PLCD4: variants seen among roughly 807,000 people sequenced by gnomAD.
PLCD4 encodes 1-phosphatidylinositol 4,5-bisphosphate phosphodiesterase delta-4.
PLCD4 carries 63 observed loss-of-function variants against 90.2 expected under a neutral mutation model. The ratio of observed to expected loss-of-function variants is 0.70; its 90% confidence interval spans 0.57 to 0.86. The LOEUF (loss-of-function observed/expected upper bound fraction) is 0.86. Ranked by LOEUF, PLCD4 falls within the 40% of genes least tolerant of loss-of-function variation. The pLI is 0.00. For synonymous variants in PLCD4, 294 were observed against 356.5 expected (o/e 0.82, Z 1.97); for missense variants, 830 against 956.3 (o/e 0.87, Z 1.74).
Position 218,616,011 on chromosome 2 carries a change from G to C in PLCD4, c.130G>C (p.Gly44Arg). The C allele has an allele frequency of 6.2e-7, 1 of 1,613,978 alleles. No homozygotes were observed. The highest frequency in any genetic ancestry group is 8.5e-7 in the Non-Finnish European group (1 of 1,179,884). ...KLRYFRLQNDGMTVWHARQAR... is the reference protein window; with the variant it reads ...KLRYFRLQNDRMTVWHARQAR... ...AAGATACTTCAGACTTCAGAATGAC[G>C]GCATGACAGTCTGGCATGCACGGCA... is the stretch of plus-strand genomic sequence containing the variant. The change falls in exon 3 of 16, where the codon GGC becomes CGC. Residue 44 changes from glycine (G) to arginine (R), a missense_variant. Physicochemically the swap from Gly to Arg is moderately radical, Grantham distance 125. Transcript: ENST00000450993.
At chr2:218,615,784 G>A in intron 2 of PLCD4, 23 bp downstream of exon 2, 1 of 1,604,234 alleles carries the variant, frequency 6.2e-7, no homozygotes, top group South Asian at 1.1e-5. Context: ...GCCCCTGCAG[G>A]GGAAGAGGCC....
chr2:218,615,827 G>A, intron 2 of PLCD4, 66 bp downstream of exon 2: 1 of 1,602,632 alleles, frequency 6.2e-7, no homozygotes, highest in Non-Finnish European at 8.5e-7. Flanking sequence ...GAAGGAGGTT[G>A]GACCCCTGTT....
chr2:218,616,968 A>AT (rs1695639028), intron 3 of PLCD4, among the ~76,000 whole-genome samples: 3 of 109,672 alleles, frequency 2.7e-5, no homozygotes, highest in African/African-American at 9.6e-5. Context: ...AGAGAGAGAG[A>AT]GAGAGAGAGA....
chr2:218,608,626 C>A (rs567989252), intron 1 of PLCD4, among the ~76,000 whole-genome samples: 2 of 152,244 alleles, frequency 1.3e-5, no homozygotes, highest in South Asian at 4.1e-4. Context: ...TAACTAGCTA[C>A]GGGACCTGGA....
chr2:218,636,624 A>C lies in PLCD4; in HGVS notation c.*47A>C, dbSNP rs200636941. 54 of 1,564,404 alleles carry C rather than the reference A, an allele frequency of 3.5e-5. 1 individual carries two copies. In the East Asian group the frequency reaches 1.2e-3, roughly 35 times the overall value. ...GTTGGTGTGCTGGCTTTAGACGGGG[A>C]GAAACATCTGGAAGGATGCTCGAGA... On this transcript the variant is annotated 3_prime_UTR_variant, in exon 16 of 16. Coordinates refer to ENST00000450993, the MANE Select transcript of PLCD4 (RefSeq NM_032726.4).
rs370203706 is a variant in PLCD4, at chr2:218,618,615, A to G, written c.218A>G (p.His73Arg). ...GATGTGGAGACAATACGTAATGGCCATGATTCCGAGTTGCTGCGTAGCCTG... is the reference window on the plus strand; with the variant it reads ...GATGTGGAGACAATACGTAATGGCCGTGATTCCGAGTTGCTGCGTAGCCTG... ...ISDVETIRNG[H>R]DSELLRSLAE... is the part of the protein sequence containing the mutation. The change falls in exon 4 of 16, where the codon CAT (histidine) becomes CGT (arginine). Residue 73 changes from histidine (H) to arginine (R), a missense_variant. His to Arg is a conservative substitution (Grantham distance 29). Coordinates refer to ENST00000450993, the MANE Select transcript of PLCD4 (RefSeq NM_032726.4). The G allele has an allele frequency of 1.2e-6, 2 of 1,613,938 alleles. No homozygotes were observed. Among genetic ancestry groups the G allele is most frequent in the African/African-American group, 1.3e-5 (1 of 74,946 alleles).
chr2:218,618,884 A>G, intron 4 of PLCD4, 77 bp downstream of exon 4: 1 of 1,416,664 alleles, frequency 7.1e-7, no homozygotes. Context: ...CAGGTTTAGG[A>G]AAGGTGAGAA....
chr2:218,618,954 C>G, intron 4 of PLCD4, 147 bp downstream of exon 4: 1 of 667,354 alleles, frequency 1.5e-6, no homozygotes, highest in South Asian at 1.9e-5. Flanking sequence ...CAGCTCAGGC[C>G]AATGTGAGAC....
Position 218,628,140 on chromosome 2 carries a change from C to T in PLCD4, c.884C>T (p.Pro295Leu). The T allele has an allele frequency of 6.2e-7, 1 of 1,614,014 alleles. No individual in the cohort carries two copies. Residue 295 changes from proline (P) to leucine (L), a missense_variant, in exon 7 of 16, where the codon CCC (proline) becomes CTC (leucine). By Grantham distance (98) the Pro-to-Leu change is moderately conservative. Coordinates refer to ENST00000450993, the MANE Select transcript of PLCD4 (RefSeq NM_032726.4). The stretch of plus-strand genomic sequence containing the variant: ...CCCATCTATCAGGATATGACTCAAC[C>T]CCTGAACCACTACTTCATCTGCTCT... Reference protein sequence around the residue: ...CLPIYQDMTQPLNHYFICSSH... With the variant: ...CLPIYQDMTQLLNHYFICSSH...
chr2:218,630,716 G>T lies in PLCD4; in HGVS notation c.1186G>T (p.Ala396Ser), dbSNP rs200331219. The change falls in exon 9 of 16, where the codon GCC becomes TCC. Residue 396 changes from alanine to serine, a missense_variant. Transcript: ENST00000450993. ...HCSWEQQQTMARHLTEILGEQ... is the reference protein window; with the variant it reads ...HCSWEQQQTMSRHLTEILGEQ... ...CAGCTGGGAGCAGCAGCAGACCATGGCCCGTCATCTGACTGAGATCCTGGG... is the reference window on the plus strand; with the variant it reads ...CAGCTGGGAGCAGCAGCAGACCATGTCCCGTCATCTGACTGAGATCCTGGG... 1.9e-4 allele frequency: 300 copies of T among 1,613,854 alleles called. No individual in the cohort carries two copies. The highest frequency in any genetic ancestry group is 9.9e-4 in the Middle Eastern group (6 of 6,084).
intron 2 of PLCD4, 37 bp from the exon 3 acceptor site, chr2:218,615,867 T>C (rs1695556235): frequency 6.2e-7 from 1 of 1,611,684 alleles, no homozygotes; most frequent in Admixed American, 1.7e-5. Flanking sequence ...TGCTACCCTC[T>C]CTGCTGGCTA....
chr2:218,615,721 G>C lies in PLCD4; in HGVS notation c.-19G>C. 1 of 1,599,484 alleles carries C rather than the reference G, an allele frequency of 6.3e-7. No homozygotes were observed. The highest frequency in any genetic ancestry group is 1.1e-5 in the South Asian group (1 of 88,506). ...TGCTCCTTTAGGTGATCTGGTGCCA[G>C]CTGGTGGAACAGTGGGTGATGGCGT... is the stretch of plus-strand genomic sequence containing the variant. On this transcript the variant is annotated 5_prime_UTR_variant, in exon 2 of 16. Coordinates refer to ENST00000450993, the MANE Select transcript of PLCD4 (RefSeq NM_032726.4).
At position 218,629,439 on chromosome 2, in the gene PLCD4, C is replaced by G. The variant is rs951901889; in HGVS notation, c.975-80C>G. 3 of 1,531,788 alleles carry G rather than the reference C, an allele frequency of 2.0e-6. No individual in the cohort carries two copies. In the African/African-American group the frequency reaches 4.1e-5, roughly 21 times the overall value. 94.9% of individuals were successfully genotyped at this position (1,531,788 alleles called of 1,614,324 possible). ...GGTAAGTGCTGGTGAGCACTGTTCT[C>G]TCCAGAGTGGGGAGAGTCCCTAGGT... On this transcript the variant is annotated intron_variant, in intron 7 of 15. Coordinates refer to ENST00000450993, the MANE Select transcript of PLCD4 (RefSeq NM_032726.4).
Position 218,636,484 on chromosome 2 carries a change from T to C in PLCD4, c.2196T>C (p.Ile732=), listed in dbSNP as rs771282062. 6.2e-7 allele frequency: 1 copy of C among 1,613,898 alleles called. No homozygotes were observed. Among genetic ancestry groups the C allele is most frequent in the Non-Finnish European group, 8.5e-7 (1 of 1,179,894 alleles). ...TGCCCCTTCCAGGTTACCGCCACAT[T>C]CACCTGCTGTCCAAAGATGGCATCA... is the stretch of plus-strand genomic sequence containing the variant. ...WTCMQQGYRH[I]HLLSKDGISL... Residue 732 remains isoleucine (I), a synonymous_variant, in exon 16 of 16, where the codon ATT becomes ATC. Coordinates refer to ENST00000450993, the MANE Select transcript of PLCD4 (RefSeq NM_032726.4).
chr2:218,634,340 T>C lies in PLCD4; in HGVS notation c.1724-118T>C. The C allele has an allele frequency of 1.3e-6, 2 of 1,572,502 alleles. No homozygotes were observed. Among genetic ancestry groups the C allele is most frequent in the South Asian group, 1.2e-5 (1 of 85,492 alleles). ...AAAATTGCTAGGCTGAGAAATGCTA[T>C]CAGTGGATATTACCAGCAGGTACCG... is the stretch of plus-strand genomic sequence containing the variant. On this transcript the variant is annotated intron_variant, in intron 12 of 15. Transcript: ENST00000450993. The surrounding 1 kb of genome is among the most constrained non-coding windows in gnomAD (Gnocchi z 4.0).
At chr2:218,622,576 A>T (rs1850169) in intron 5 of PLCD4, 71 bp from the exon 6 acceptor site, 645,018 of 1,139,858 alleles carry the variant, frequency 0.57, 189,517 homozygotes, top group East Asian at 0.78. Context: ...TTAAAAAAAA[A>T]TTTTTTTAAT....
At position 218,629,664 on chromosome 2, in the gene PLCD4, G is replaced by T. The variant is rs773400375; in HGVS notation, c.1119+1G>T. The T allele has an allele frequency of 6.2e-7, 1 of 1,612,058 alleles. No homozygotes were observed. Among genetic ancestry groups the T allele is most frequent in the Non-Finnish European group, 8.5e-7 (1 of 1,178,636 alleles). On this transcript the variant is annotated splice_donor_variant, in intron 8 of 15. Transcript: ENST00000450993. LOFTEE classifies it high-confidence loss of function. ...CACAGTAGCACAGTATGCCTTCCAG[G>T]TAGTAGCCCCAGGATGGGGACACTG...
rs767303849 is a variant in PLCD4 at position 218,630,727 on chromosome 2, G to C, written c.1197G>C (p.Leu399=). The C allele has an allele frequency of 2.5e-6, 4 of 1,613,980 alleles. No individual in the cohort carries two copies. The Middle Eastern group carries it at 6.6e-4, about 266-fold the overall frequency. The change falls in exon 9 of 16, where the codon CTG becomes CTC. Residue 399 remains leucine, a synonymous_variant. Transcript: ENST00000450993. ...AGCAGCAGACCATGGCCCGTCATCTGACTGAGATCCTGGGGGAGCAGCTGC... is the reference window on the plus strand; with the variant it reads ...AGCAGCAGACCATGGCCCGTCATCTCACTGAGATCCTGGGGGAGCAGCTGC... ...WEQQQTMARH[L]TEILGEQLLS... is the part of the protein sequence containing the mutation.
chr2:218,627,232 G>C (rs1696156848), intron 6 of PLCD4, among the ~76,000 whole-genome samples: 1 of 151,684 alleles, frequency 6.6e-6, no homozygotes, highest in African/African-American at 2.4e-5. Flanking sequence ...CTGCACTCCA[G>C]CCTGGGAGAC....
Sources: allele counts gnomAD v4.1 joint callset (sites outside exome capture counted in the v4.1 genomes callset), GRCh38; gene constraint gnomAD v4.1.1; non-coding constraint Gnocchi (gnomAD v3.1); transcripts MANE v1.5; gene names NCBI Gene and HGNC (gene_info 2026-07-23, HGNC 2026-07-21).